The following NBPF15 variants were observed in gnomAD, a reference collection of about 807,000 sequenced individuals.
NBPF15 encodes NBPF member 15.
In NBPF15, 74 loss-of-function variants were observed where a neutral mutation model predicts 62.2. The observed-to-expected ratio is 1.19, with a 90% CI of 0.99 to 1.44. The LOEUF is 1.44. Among genes scored for constraint, NBPF15 ranks in the 40% most tolerant of loss-of-function variants. NBPF15 has a pLI of 0.00. For missense variants in NBPF15, 790 were observed against 550.0 expected (o/e 1.44, Z -4.36); for synonymous variants, 244 against 209.7 (o/e 1.16, Z -1.41).
chr1:144,437,773 AT>A (rs1679623930), intron 9 of NBPF15, among the ~76,000 whole-genome samples, 171 bp downstream of exon 9: 1 of 151,894 alleles, frequency 6.6e-6, no homozygotes, highest in Admixed American at 6.6e-5. Context: ...CAACCCATAC[AT>A]TTTTATTATC....
chr1:144,428,178 GACACACACACACACACACACAC>G (rs782021320), intron 15 of NBPF15, among the ~76,000 whole-genome samples, 188 bp from the exon 16 acceptor site: 1 of 132,470 alleles, frequency 7.5e-6, no homozygotes, highest in African/African-American at 2.9e-5. Flanking sequence ...GAAAGAGAAA[GACACACACACACACACACACAC>G]ACACACACAC....
At position 144,440,017 on chromosome 1, in the gene NBPF15, G is replaced by A. The variant is rs1558609885; in HGVS notation, c.-14C>T. ...TGATACCACCATGCTGACGTTTGTG[G>A]CAGAAGAGGTGGAGTCAGGGACTGG... On this transcript the variant is annotated 5_prime_UTR_variant, in exon 8 of 22. Transcript: ENST00000581897. The A allele has an allele frequency of 1.9e-6, 3 of 1,606,218 alleles. No homozygotes were observed. Among genetic ancestry groups the A allele is most frequent in the Non-Finnish European group, 2.6e-6 (3 of 1,174,632 alleles).
Position 144,422,842 on chromosome 1 carries a change from T to G in NBPF15, c.*171A>C. 6.6e-7 allele frequency: 1 copy of G among 1,525,142 alleles called. No individual in the cohort carries two copies. The highest frequency in any genetic ancestry group is 8.9e-7 in the Non-Finnish European group (1 of 1,125,174). 94.5% of individuals were successfully genotyped at this position (1,525,142 alleles called of 1,614,324 possible). A position where few individuals can be genotyped will look rare whatever the true frequency, so the allele number is the denominator to read the frequency against. ...CACACCTAACATGGGTCCATTGTCT[T>G]CAGATTGAGCACAGGTTGCCAATGG... On this transcript the variant is annotated 3_prime_UTR_variant, in exon 22 of 22. Coordinates refer to ENST00000581897, the MANE Select transcript of NBPF15 (RefSeq NM_001385408.1).
chr1:144,423,901 C>A lies in NBPF15; in HGVS notation c.1738G>T (p.Glu580Ter), dbSNP rs1469298380. ...CATGGTGGGTTGTCATCTTCCCCTTCTTTTCTTCCCCTTCTTCTTTTCTTC... is the reference window on the plus strand; with the variant it reads ...CATGGTGGGTTGTCATCTTCCCCTTATTTTCTTCCCCTTCTTCTTTTCTTC... ...SKKKRRRGRK[E>*]GEDDNPPCPR... Residue 580 changes from glutamate to a stop codon, truncating the protein, a stop_gained, in exon 21 of 22, where the codon GAA becomes TAA. Coordinates refer to ENST00000581897, the MANE Select transcript of NBPF15 (RefSeq NM_001385408.1). LOFTEE classifies it high-confidence loss of function. The A allele has an allele frequency of 3.8e-6, 3 of 788,284 alleles. No homozygotes were observed. The highest frequency in any genetic ancestry group is 1.7e-5 in the African/African-American group (1 of 59,488). The allele number at this position is 788,284 out of a possible 1,614,324, so 48.8% of individuals were successfully genotyped here. A position where few individuals can be genotyped will look rare whatever the true frequency, so the allele number is the denominator to read the frequency against.
intron 10 of NBPF15, among the ~76,000 whole-genome samples, chr1:144,436,190 G>T (rs587655294): frequency 6.6e-6 from 1 of 152,006 alleles, no homozygotes; most frequent in African/African-American, 2.4e-5. Flanking sequence ...TTGGTGTCCC[G>T]TCACAGTTTG....
At chr1:144,424,459 A>G (rs1262789918) in intron 20 of NBPF15, among the ~76,000 whole-genome samples, 1 of 152,042 alleles carries the variant, frequency 6.6e-6, no homozygotes, top group African/African-American at 2.4e-5. Context: ...TGAGAGTAGA[A>G]TCAGAGTGCC....
Position 144,435,135 on chromosome 1 carries a change from C to T in NBPF15, c.748G>A (p.Glu250Lys), listed in dbSNP as rs1299697093. Residue 250 changes from glutamate to lysine, a missense_variant, in exon 12 of 22, where the codon GAG becomes AAG. Physicochemically the swap from Glu to Lys is moderately conservative, Grantham distance 56. Transcript: ENST00000581897. ...CCTGGAATAATGTGTACAGCATCCTCCCATTCAACATGAGAGGATGAGCCA... is the reference window on the plus strand; with the variant it reads ...CCTGGAATAATGTGTACAGCATCCTTCCATTCAACATGAGAGGATGAGCCA... ...LIGSSSHVEWEDAVHIIPENE... is the reference protein window; with the variant it reads ...LIGSSSHVEWKDAVHIIPENE... 6.2e-7 allele frequency: 1 copy of T among 1,612,836 alleles called. No individual in the cohort carries two copies. Among genetic ancestry groups the T allele is most frequent in the African/African-American group, 1.3e-5 (1 of 74,854 alleles).
At chr1:144,424,190 G>C (rs1488910763) in intron 20 of NBPF15, among the ~76,000 whole-genome samples, 2 of 152,026 alleles carry the variant, frequency 1.3e-5, no homozygotes, top group African/African-American at 4.8e-5. Flanking sequence ...TATTCTAGTA[G>C]ATCGTTATCC....
At chr1:144,434,894 G>A (rs1459409409) in intron 12 of NBPF15, among the ~76,000 whole-genome samples, 3 of 152,028 alleles carry the variant, frequency 2.0e-5, no homozygotes, top group African/African-American at 7.2e-5. Context: ...GTGACTATGA[G>A]ATTGTCACAC....
intron 13 of NBPF15, among the ~76,000 whole-genome samples, chr1:144,432,780 A>T (rs1429291966): frequency 2.0e-5 from 3 of 151,716 alleles, no homozygotes; most frequent in Non-Finnish European, 4.4e-5. Context: ...TATGCACCCT[A>T]TACAGGAGCA....
intron 20 of NBPF15, among the ~76,000 whole-genome samples, chr1:144,424,184 C>A (rs1667878204): frequency 6.6e-6 from 1 of 152,026 alleles, no homozygotes; most frequent in Non-Finnish European, 1.5e-5. Context: ...TGTCCCTATT[C>A]TAGTAGATCG....
At position 144,427,118 on chromosome 1, in the gene NBPF15, G is replaced by A. The variant is rs1553539424; in HGVS notation, c.1214-20C>T. ...CAATTTCTGCAATAAGTTCAGACAT[G>A]GACAGACATATTAAGCTGGTTCTCC... On this transcript the variant is annotated intron_variant, in intron 16 of 21. Transcript: ENST00000581897. The A allele has an allele frequency of 1.8e-6, 1 of 564,478 alleles. No homozygotes were observed. The allele number at this position is 564,478 out of a possible 1,614,324, so 35.0% of individuals were successfully genotyped here. A position where few individuals can be genotyped will look rare whatever the true frequency, so the allele number is the denominator to read the frequency against.
At chr1:144,424,964 A>T in intron 19 of NBPF15, 102 bp from the exon 20 acceptor site, 1 of 419,810 alleles carries the variant, frequency 2.4e-6, no homozygotes, top group Admixed American at 4.3e-5. Context: ...TTAAAAAACT[A>T]AAAGGATAGA....
chr1:144,423,393 A>C (rs1174020253), intron 21 of NBPF15, 137 bp from the exon 22 acceptor site: 15 of 1,522,344 alleles, frequency 9.9e-6, no homozygotes, highest in African/African-American at 3.0e-5. Flanking sequence ...AAAAAAAAAA[A>C]TTTATTGCCT....
chr1:144,448,570 A>T (rs1689174924), intron 6 of NBPF15, among the ~76,000 whole-genome samples: 1 of 152,142 alleles, frequency 6.6e-6, no homozygotes. Flanking sequence ...ATTTAAGCCT[A>T]ATGCAATAAA....
At chr1:144,445,906 G>C (rs1411331552) in intron 6 of NBPF15, among the ~76,000 whole-genome samples, 61 of 143,082 alleles carry the variant, frequency 4.3e-4, no homozygotes, top group African/African-American at 1.6e-3. Flanking sequence ...ACCCAGGCTG[G>C]AGTGCAGTGA....
At chr1:144,443,513 A>G (rs2102382613) in intron 6 of NBPF15, among the ~76,000 whole-genome samples, 1 of 151,670 alleles carries the variant, frequency 6.6e-6, no homozygotes, top group South Asian at 2.1e-4. Flanking sequence ...TATTAATCAG[A>G]ATTGTGTTGA....
intron 12 of NBPF15, 117 bp downstream of exon 12, chr1:144,434,994 T>G: frequency 6.3e-7 from 1 of 1,588,852 alleles, no homozygotes. Flanking sequence ...CTGATATCTG[T>G]TTAGAAACCC....
rs1553541372 is a variant in NBPF15, at chr1:144,436,918, T to G, written c.470A>C (p.His157Pro). ...QLAEGCRLTQ[H>P]LVQKLSPEND... is the part of the protein sequence containing the mutation. ...ACCTGGGCTGAGCTTTTGGACAAGG[T>G]GCTGTGTCAGTCTACACCCCTCAGC... Residue 157 changes from histidine (H) to proline (P), a missense_variant, in exon 10 of 22, where the codon CAC becomes CCC. By Grantham distance (77) the His-to-Pro change is moderately conservative. Coordinates refer to ENST00000581897, the MANE Select transcript of NBPF15 (RefSeq NM_001385408.1). 10 of 1,612,120 alleles carry G rather than the reference T, an allele frequency of 6.2e-6. No homozygotes were observed. The South Asian group carries it at 1.1e-4, about 18-fold the overall frequency.
Sources: allele counts gnomAD v4.1 joint callset (sites outside exome capture counted in the v4.1 genomes callset), GRCh38; gene constraint gnomAD v4.1.1; transcripts MANE v1.5; gene names NCBI Gene and HGNC (gene_info 2026-07-23, HGNC 2026-07-21).